The following GNL2 variants were observed in gnomAD, a reference collection of about 807,000 sequenced individuals.
GNL2 encodes nucleolar GTP-binding protein 2.
GNL2 carries 51 observed loss-of-function variants against 92.3 expected under a neutral mutation model. The ratio of observed to expected loss-of-function variants is 0.55; its 90% CI spans 0.44 to 0.70. The LOEUF is 0.70. Among genes scored for constraint, GNL2 ranks in the 30% least tolerant of loss-of-function variants. The probability of loss-of-function intolerance (pLI) is 0.00; values close to 1 mark genes in which losing one functional copy is unlikely to be tolerated. For synonymous variants in GNL2, 283 were observed against 300.6 expected, an observed-to-expected ratio of 0.94 and a Z score of 0.61; for missense variants, 844 against 895.6, an observed-to-expected ratio of 0.94 and a Z score of 0.74.
intron 12 of GNL2, among the ~76,000 whole-genome samples, chr1:37,573,250 T>C (rs1424324615): frequency 1.3e-5 from 2 of 152,208 alleles, no homozygotes; most frequent in Non-Finnish European, 2.9e-5. Flanking sequence ...TACATTCAAC[T>C]GAAAATACCT....
Position 37,575,454 on chromosome 1 carries a change from T to C in GNL2, c.1143+141A>G. Reference sequence around the variant, plus strand: ...AACAGCTTATGCTGAGAGGCTGCTGTTCAGCATCATGTTCCTAAAGTTTGG... The same window carrying C: ...AACAGCTTATGCTGAGAGGCTGCTGCTCAGCATCATGTTCCTAAAGTTTGG... On this transcript the variant is annotated intron_variant, in intron 10 of 15. Transcript: ENST00000373062. This position sits in a 1 kb window ranked among gnomAD's most constrained non-coding sequence, Gnocchi z 4.1. 1 of 541,494 alleles carries C rather than the reference T, an allele frequency of 1.8e-6. No individual in the cohort carries two copies. The allele number at this position is 541,494 out of a possible 1,614,324, so 33.5% of individuals were successfully genotyped here.
chr1:37,571,450 A>G (rs1332257248), intron 12 of GNL2, among the ~76,000 whole-genome samples: 4 of 152,186 alleles, frequency 2.6e-5, no homozygotes, highest in Admixed American at 2.6e-4. Flanking sequence ...TCAGATCCCT[A>G]ATTCCAGCAA....
chr1:37,580,423 A>G (rs747558817), intron 8 of GNL2, among the ~76,000 whole-genome samples: 1 of 152,264 alleles, frequency 6.6e-6, no homozygotes, highest in Non-Finnish European at 1.5e-5. Flanking sequence ...AGGGTAGAAT[A>G]AAGATCTTAA....
At chr1:37,591,012 T>C (rs1031026174) in intron 3 of GNL2, among the ~76,000 whole-genome samples, 167 bp from the exon 4 acceptor site, 3 of 152,180 alleles carry the variant, frequency 2.0e-5, no homozygotes, top group Non-Finnish European at 4.4e-5. Context: ...ACCAAAAAAC[T>C]GCCTCTCCCG....
At chr1:37,581,204 T>C (rs1489840052) in intron 8 of GNL2, 5 of 365,296 alleles carry the variant, frequency 1.4e-5, no homozygotes, top group Non-Finnish European at 2.2e-5. Flanking sequence ...ACTAAAAATA[T>C]GGAGGAAAAT....
chr1:37,585,772 T>C (rs1024445376), intron 5 of GNL2, among the ~76,000 whole-genome samples: 11 of 152,122 alleles, frequency 7.2e-5, no homozygotes, highest in African/African-American at 2.7e-4. Flanking sequence ...GGGCTGACAA[T>C]AGCAATGAGG....
At position 37,582,324 on chromosome 1, in the gene GNL2, C is replaced by G. The variant is rs373110047; in HGVS notation, c.808G>C (p.Ala270Pro). 1.9e-6 allele frequency: 3 copies of G among 1,607,292 alleles called. No homozygotes were observed. In the African/African-American group the frequency reaches 4.0e-5, roughly 22 times the overall value. ...VPTWATKRWV[A>P]VLSQDYPTLA... The stretch of plus-strand genomic sequence containing the variant: ...GTTGGATAATCCTGGGAGAGGACAG[C>G]AACCCACCGTTTCTAGAAGGAGAGA... The change falls in exon 8 of 16, where the codon GCT becomes CCT. Residue 270 changes from alanine (A) to proline (P), a missense_variant. By Grantham distance (27) the Ala-to-Pro change is conservative. Coordinates refer to ENST00000373062, the MANE Select transcript of GNL2 (RefSeq NM_013285.3).
At chr1:37,578,615 C>G (rs111969326) in intron 8 of GNL2, among the ~76,000 whole-genome samples, 2 of 151,598 alleles carry the variant, frequency 1.3e-5, no homozygotes, top group African/African-American at 4.8e-5. Flanking sequence ...TGAAGTACAG[C>G]GACACAATCA....
chr1:37,581,768 G>T (rs900994119), intron 8 of GNL2, among the ~76,000 whole-genome samples: 17 of 151,840 alleles, frequency 1.1e-4, no homozygotes, highest in African/African-American at 3.9e-4. Context: ...AGGTTCAAGC[G>T]ATTCTCCTGC....
chr1:37,576,572 A>T lies in GNL2; in HGVS notation c.910-16T>A. The T allele has an allele frequency of 6.2e-7, 1 of 1,612,386 alleles. No homozygotes were observed. The highest frequency in any genetic ancestry group is 1.3e-5 in the African/African-American group (1 of 75,002). On this transcript the variant is annotated splice_polypyrimidine_tract_variant and intron_variant, in intron 8 of 15. Coordinates refer to ENST00000373062, the MANE Select transcript of GNL2 (RefSeq NM_013285.3). The stretch of plus-strand genomic sequence containing the variant: ...CAGTGTGCAACTGTTCAAAGAGAGA[A>T]TACACAGCACATACATGCAGTCATA...
chr1:37,576,031 A>G (rs1643672039), intron 9 of GNL2: 1 of 307,234 alleles, frequency 3.3e-6, no homozygotes, highest in Non-Finnish European at 6.0e-6. Flanking sequence ...ATTGCCTTTA[A>G]GCAAAACCAT....
Position 37,575,615 on chromosome 1 carries a change from C to T in GNL2, c.1123G>A (p.Asp375Asn). 6.3e-7 allele frequency: 1 copy of T among 1,587,184 alleles called. No homozygotes were observed. Among genetic ancestry groups the T allele is most frequent in the Non-Finnish European group, 8.5e-7 (1 of 1,170,198 alleles). The change falls in exon 10 of 16, where the codon GAC becomes AAC. Residue 375 changes from aspartate (D) to asparagine (N), a missense_variant. Asp to Asn is a conservative substitution (Grantham distance 23). Coordinates refer to ENST00000373062, the MANE Select transcript of GNL2 (RefSeq NM_013285.3). This position sits in a 1 kb window ranked among gnomAD's most constrained non-coding sequence, Gnocchi z 4.1. ...CTCACAACTCCTTTTAGCACAATGT[C>T]TGTCTCGGAGTCCTCAGAGGGGTAA... ...VVYPSEDSETDIVLKGVVQVE... is the reference protein window; with the variant it reads ...VVYPSEDSETNIVLKGVVQVE...
chr1:37,569,467 A>G, intron 12 of GNL2, 165 bp from the exon 13 acceptor site: 1 of 599,252 alleles, frequency 1.7e-6, no homozygotes, highest in Non-Finnish European at 2.9e-6. Flanking sequence ...AAACCAATGT[A>G]CATTAAGCCC....
rs34120873 is a variant in GNL2 at position 37,582,903 on chromosome 1, G to T, written c.670C>A (p.Leu224Ile). 9.9e-4 allele frequency: 1,589 copies of T among 1,612,742 alleles called. 20 individuals carry two copies. The African/African-American group carries it at 0.019, about 19-fold the overall frequency. The part of the protein sequence containing the change: ...IDSSDVVVQV[L>I]DARDPMGTRS... ...GTACCCATTGGATCTCTAGCATCAAGAACTTGAACTACAACATCTGATGAA... is the reference window on the plus strand; with the variant it reads ...GTACCCATTGGATCTCTAGCATCAATAACTTGAACTACAACATCTGATGAA... Residue 224 changes from leucine to isoleucine, a missense_variant, in exon 7 of 16, where the codon CTT (leucine) becomes ATT (isoleucine). Physicochemically the swap from Leu to Ile is conservative, Grantham distance 5. Coordinates refer to ENST00000373062, the MANE Select transcript of GNL2 (RefSeq NM_013285.3).
chr1:37,579,811 G>T (rs1199219195), intron 8 of GNL2, among the ~76,000 whole-genome samples: 1 of 146,630 alleles, frequency 6.8e-6, no homozygotes, highest in Non-Finnish European at 1.5e-5. Flanking sequence ...CAGGAGAATC[G>T]CTTAAACCCG....
intron 4 of GNL2, among the ~76,000 whole-genome samples, chr1:37,590,069 T>G (rs756176784): frequency 4.6e-5 from 7 of 152,252 alleles, no homozygotes; most frequent in Admixed American, 3.3e-4. Flanking sequence ...TTACAGATGC[T>G]TCATCTGTAG....
rs897128639 is a variant in GNL2, at chr1:37,586,750, T to C, written c.569+561A>G. Among the ~76,000 whole-genome samples, 13 of 152,188 alleles carry C rather than the reference T, an allele frequency of 8.5e-5. 1 individual carries two copies. The highest frequency in any genetic ancestry group is 8.5e-4 in the Admixed American group (13 of 15,286). On this transcript the variant is annotated intron_variant, in intron 5 of 15. Transcript: ENST00000373062. Reference sequence around the variant, plus strand: ...GTCTATGACTGGTGTATTACTATTATAAATGAAAAAATGTTATTTATTTTG... The same window carrying C: ...GTCTATGACTGGTGTATTACTATTACAAATGAAAAAATGTTATTTATTTTG...
chr1:37,569,016 T>A lies in GNL2; in HGVS notation c.1703A>T (p.Glu568Val). Residue 568 changes from glutamate to valine, a missense_variant, in exon 13 of 16, where the codon GAG (glutamate) becomes GTG (valine). Coordinates refer to ENST00000373062, the MANE Select transcript of GNL2 (RefSeq NM_013285.3). Reference protein sequence around the residue: ...ELESFSDEEEEEQEQQRDDAE... With the variant: ...ELESFSDEEEVEQEQQRDDAE... The stretch of plus-strand genomic sequence containing the variant: ...ATCATCTCTTTGTTGCTCCTGTTCC[T>A]CCTCCTCTTCATCAGAAAAGCTCTC... 6.2e-7 allele frequency: 1 copy of A among 1,614,148 alleles called. No individual in the cohort carries two copies. The highest frequency in any genetic ancestry group is 8.5e-7 in the Non-Finnish European group (1 of 1,180,026).
intron 12 of GNL2, chr1:37,570,647 T>A (rs1643580436): frequency 6.6e-6 from 1 of 152,226 alleles, no homozygotes; most frequent in South Asian, 2.1e-4. Context: ...GGTGCCTTGA[T>A]ACTGGACTTC....
Sources: allele counts gnomAD v4.1 joint callset (sites outside exome capture counted in the v4.1 genomes callset), GRCh38; gene constraint gnomAD v4.1.1; non-coding constraint Gnocchi (gnomAD v3.1); transcripts MANE v1.5; gene names NCBI Gene and HGNC (gene_info 2026-07-23, HGNC 2026-07-21).